The following ROBO2 variants were observed in gnomAD, a reference collection of about 807,000 sequenced individuals.
ROBO2 encodes the protein roundabout homolog 2.
In ROBO2, 53 loss-of-function variants were observed where a neutral mutation model predicts 160.8. That is an observed-to-expected ratio of 0.33 (90% confidence interval 0.26 to 0.41). The LOEUF (loss-of-function observed/expected upper bound fraction) is 0.41. Among genes scored for constraint, ROBO2 ranks in the 10% least tolerant of loss-of-function variants. The pLI, the probability that ROBO2 is intolerant of heterozygous loss-of-function variation, is 1.00. For missense variants in ROBO2, 1,577 were observed against 1,722.4 expected (o/e 0.92, Z 1.49); for synonymous variants, 664 against 611.7 (o/e 1.09, Z -1.26).
chr3:76,579,786 CAAAA>C (rs5850267), intron 2 of ROBO2, among the ~76,000 whole-genome samples: 1 of 107,148 alleles, frequency 9.3e-6, no homozygotes, highest in Non-Finnish European at 2.0e-5. Context: ...GGTTGAGTTA[CAAAA>C]AAAAAAAAAA....
At chr3:76,250,616 C>T (rs150970526) in intron 2 of ROBO2, among the ~76,000 whole-genome samples, 63 of 152,086 alleles carry the variant, frequency 4.1e-4, no homozygotes, top group African/African-American at 1.4e-3. Context: ...CATATCCCTG[C>T]GCTTCAGTTT....
intron 2 of ROBO2, among the ~76,000 whole-genome samples, chr3:76,504,643 C>T (rs1333816192): frequency 6.7e-6 from 1 of 149,818 alleles, no homozygotes; most frequent in Non-Finnish European, 1.5e-5. Flanking sequence ...ATTCTCCTGC[C>T]TCAGCCTCCC....
intron 2 of ROBO2, among the ~76,000 whole-genome samples, chr3:76,461,220 T>G (rs113285525): frequency 0.032 from 4,818 of 152,022 alleles, 232 homozygotes; most frequent in African/African-American, 0.11. Flanking sequence ...AAGGCTGGGG[T>G]TGTAGGGGAG....
intron 2 of ROBO2, among the ~76,000 whole-genome samples, chr3:76,376,732 G>A (rs1013188429): frequency 1.3e-5 from 2 of 152,106 alleles, no homozygotes; most frequent in Non-Finnish European, 2.9e-5. Context: ...GTTTTAAGGG[G>A]CCAGAGGACA....
chr3:76,873,779 A>G (rs1307204640), intron 2 of ROBO2, among the ~76,000 whole-genome samples: 2 of 151,380 alleles, frequency 1.3e-5, no homozygotes, highest in Non-Finnish European at 1.5e-5. Flanking sequence ...TTTCTCATGA[A>G]ATTTGCTCAT....
intron 2 of ROBO2, among the ~76,000 whole-genome samples, chr3:76,123,220 C>T (rs1043833690): frequency 1.3e-5 from 2 of 151,994 alleles, no homozygotes; most frequent in African/African-American, 2.4e-5. Flanking sequence ...TTATCTGCTC[C>T]CCAGCAACAT....
chr3:77,151,936 C>A (rs2077578136), intron 2 of ROBO2, among the ~76,000 whole-genome samples: 1 of 152,060 alleles, frequency 6.6e-6, no homozygotes, highest in Non-Finnish European at 1.5e-5. Context: ...TTTTTTCAGT[C>A]CAATGCCTTT....
chr3:77,394,809 G>C (rs1451020549), intron 2 of ROBO2, among the ~76,000 whole-genome samples: 1 of 152,026 alleles, frequency 6.6e-6, no homozygotes, highest in Non-Finnish European at 1.5e-5. Context: ...CAAATTCACT[G>C]TTTCATATGA....
exon 24 of ROBO2, chr3:77,635,017 C>T: frequency 6.2e-7 from 1 of 1,614,136 alleles, no homozygotes; most frequent in Non-Finnish European, 8.5e-7. Flanking sequence ...CCAGCATTGC[C>T]TCATCGAAGG....
chr3:77,563,295 C>T, exon 11 of ROBO2: 1 of 1,613,588 alleles, frequency 6.2e-7, no homozygotes, highest in Non-Finnish European at 8.5e-7. Flanking sequence ...CCCTGGAACC[C>T]TTCCAGCAAG....
chr3:77,416,834 C>T lies in ROBO2; in HGVS notation c.389-60580C>T, dbSNP rs770764438. Reference sequence around the variant, plus strand: ...ATTAAGTTTTTAAGCAGGGCTTTGACACGTATTTAGAAAATAAGAGAAAAA... The same window carrying T: ...ATTAAGTTTTTAAGCAGGGCTTTGATACGTATTTAGAAAATAAGAGAAAAA... On this transcript the variant is annotated intron_variant, in intron 2 of 25. Coordinates refer to ENST00000461745, the Ensembl canonical transcript of ROBO2. Among the ~76,000 whole-genome samples the T allele has an allele frequency of 1.8e-4, 27 of 151,350 alleles. 1 individual carries two copies. The highest frequency in any genetic ancestry group is 1.7e-3 in the South Asian group (8 of 4,780).
intron 2 of ROBO2, among the ~76,000 whole-genome samples, chr3:77,114,542 T>C (rs2074005241): frequency 6.6e-6 from 1 of 152,194 alleles, no homozygotes; most frequent in South Asian, 2.1e-4. Flanking sequence ...TAGCTGTTCA[T>C]GTATCCATGT....
chr3:76,621,302 G>A (rs750444), intron 2 of ROBO2, among the ~76,000 whole-genome samples: 31,874 of 151,818 alleles, frequency 0.21, 3,534 homozygotes, highest in Middle Eastern at 0.27. Flanking sequence ...TATCCTTTTT[G>A]GCAGATAGAA....
chr3:76,243,004 C>T (rs1182156158), intron 2 of ROBO2, among the ~76,000 whole-genome samples: 1 of 152,154 alleles, frequency 6.6e-6, no homozygotes, highest in African/African-American at 2.4e-5. Context: ...GGACGATTCC[C>T]CCGCTTCTAG....
chr3:76,793,259 T>A (rs761396653), intron 2 of ROBO2, among the ~76,000 whole-genome samples: 1 of 151,854 alleles, frequency 6.6e-6, no homozygotes, highest in African/African-American at 2.4e-5. Flanking sequence ...CAAATATCTA[T>A]TATTAATATT....
At chr3:76,487,851 A>G (rs2079582950) in intron 2 of ROBO2, among the ~76,000 whole-genome samples, 1 of 152,114 alleles carries the variant, frequency 6.6e-6, no homozygotes, top group South Asian at 2.1e-4. Flanking sequence ...ATTCCACATG[A>G]CTATCTCCGT....
chr3:76,190,468 A>T (rs1268837665), intron 2 of ROBO2, among the ~76,000 whole-genome samples: 1 of 152,092 alleles, frequency 6.6e-6, no homozygotes, highest in African/African-American at 2.4e-5. Flanking sequence ...AAGCATTTTA[A>T]ATTATATTAC....
At chr3:76,830,347 C>A (rs567335932) in intron 2 of ROBO2, among the ~76,000 whole-genome samples, 1 of 152,256 alleles carries the variant, frequency 6.6e-6, no homozygotes, top group African/African-American at 2.4e-5. Context: ...CTCTGGATTC[C>A]ATTTTAACAG....
intron 2 of ROBO2, among the ~76,000 whole-genome samples, chr3:76,682,665 C>T (rs9856701): frequency 0.52 from 79,355 of 152,008 alleles, 21,255 homozygotes; most frequent in East Asian, 0.76. Context: ...CTCTGCCTCC[C>T]AAAGTGCTGG....
Sources: allele counts gnomAD v4.1 joint callset (sites outside exome capture counted in the v4.1 genomes callset), GRCh38; gene constraint gnomAD v4.1.1; transcripts MANE v1.5; gene names NCBI Gene and HGNC (gene_info 2026-07-23, HGNC 2026-07-21).